Variants in ABI3BP observed in about 807,000 individuals in gnomAD.
The protein encoded by ABI3BP is ABI family member 3 binding protein, also known as target of Nesh-SH3.
In ABI3BP, 216 loss-of-function variants were observed where a neutral mutation model predicts 268.6. The observed-to-expected ratio is 0.80, with a 90% confidence interval of 0.72 to 0.90. ABI3BP has a LOEUF of 0.90. ABI3BP is among the 40% of genes least tolerant of loss of function. The pLI, the probability that ABI3BP is intolerant of heterozygous loss-of-function variation, is 0.00. For missense variants in ABI3BP, 2,090 were observed against 2,182.4 expected, an observed-to-expected ratio of 0.96 and a Z score of 0.84; for synonymous variants, 730 against 730.0, an observed-to-expected ratio of 1.00 and a Z score of 0.00.
At chr3:100,803,834 T>C (rs1204688717) in intron 51 of ABI3BP, among the ~76,000 whole-genome samples, 1 of 152,200 alleles carries the variant, frequency 6.6e-6, no homozygotes, top group Non-Finnish European at 1.5e-5. Flanking sequence ...AGATTCTCTC[T>C]AGCCTGCTAC....
Position 100,815,907 on chromosome 3 carries a change from A to G in ABI3BP, c.3289+5T>C, listed in dbSNP as rs2098025550. 2.6e-6 allele frequency: 4 copies of G among 1,520,634 alleles called. No homozygotes were observed. Among genetic ancestry groups the G allele is most frequent in the Non-Finnish European group, 3.5e-6 (4 of 1,142,364 alleles). The allele number at this position is 1,520,634 out of a possible 1,614,324, so 94.2% of individuals were successfully genotyped here. A position where few individuals can be genotyped will look rare whatever the true frequency, so the allele number is the denominator to read the frequency against. Reference sequence around the variant, plus strand: ...GCATTTAATGCAAGTCACAAAAATCATTACCAAATGTTGTTCCTGGAGCAT... The same window carrying G: ...GCATTTAATGCAAGTCACAAAAATCGTTACCAAATGTTGTTCCTGGAGCAT... On this transcript the variant is annotated splice_donor_5th_base_variant and intron_variant, in intron 44 of 67. Transcript: ENST00000471714.
At chr3:100,878,370 C>T (rs1581623261) in intron 6 of ABI3BP, among the ~76,000 whole-genome samples, 1 of 152,148 alleles carries the variant, frequency 6.6e-6, no homozygotes, top group South Asian at 2.1e-4. Context: ...TTATTTTGTG[C>T]ACCTTTCTAT....
At chr3:100,976,852 G>A (rs1211660331) in intron 1 of ABI3BP, among the ~76,000 whole-genome samples, 1 of 151,184 alleles carries the variant, frequency 6.6e-6, no homozygotes, top group Non-Finnish European at 1.5e-5. Flanking sequence ...TCTTCTAAAT[G>A]ATAGCAGGAC....
intron 63 of ABI3BP, among the ~76,000 whole-genome samples, chr3:100,759,484 T>TCAG (rs776102958): frequency 3.9e-5 from 6 of 152,112 alleles, no homozygotes; most frequent in Non-Finnish European, 8.8e-5. Flanking sequence ...AATCAGGGTA[T>TCAG]CAGTAGTCGT....
intron 6 of ABI3BP, among the ~76,000 whole-genome samples, chr3:100,879,943 T>C (rs928716431): frequency 5.3e-5 from 8 of 152,190 alleles, no homozygotes; most frequent in Middle Eastern, 3.2e-3. Context: ...TCCTCTCCTA[T>C]GTCTTATCAA....
At chr3:100,990,036 G>A (rs1469313959) in intron 1 of ABI3BP, among the ~76,000 whole-genome samples, 2 of 152,154 alleles carry the variant, frequency 1.3e-5, no homozygotes, top group Admixed American at 6.5e-5. Flanking sequence ...GGGTAATGTT[G>A]GCCATATGGG....
At position 100,774,465 on chromosome 3, in the gene ABI3BP, T is replaced by C. The variant is rs2096643971; in HGVS notation, c.4531+140A>G. 5 of 618,822 alleles carry C rather than the reference T, an allele frequency of 8.1e-6. No homozygotes were observed. In the East Asian group the frequency reaches 1.5e-4, roughly 18 times the overall value. 38.3% of individuals were successfully genotyped at this position (618,822 alleles called of 1,614,324 possible). On this transcript the variant is annotated intron_variant, in intron 61 of 67. Coordinates refer to ENST00000471714, the MANE Select transcript of ABI3BP (RefSeq NM_001375547.2). ...TAGATCAGCTGACACCCAGTTGACT[T>C]GCAGACACCCATGAAAAATAAAACC... is the stretch of plus-strand genomic sequence containing the variant.
chr3:100,825,206 G>GA (rs938909741), intron 35 of ABI3BP, among the ~76,000 whole-genome samples: 5 of 151,936 alleles, frequency 3.3e-5, no homozygotes, highest in Admixed American at 2.0e-4. Context: ...CTTGCTGGGG[G>GA]AAAAAAATGA....
rs1043068651 is a variant in ABI3BP, at chr3:100,862,204, C to T, written c.1285+107G>A. The T allele has an allele frequency of 8.6e-5, 66 of 770,062 alleles. 1 individual carries two copies. Among genetic ancestry groups the T allele is most frequent in the Non-Finnish European group, 2.4e-5 (12 of 489,996 alleles). 47.7% of individuals were successfully genotyped at this position (770,062 alleles called of 1,614,324 possible). ...ATCAACAAATGTATGATAGATTTTC[C>T]ATTTATTACAAAGCATAATGATAAT... On this transcript the variant is annotated intron_variant, in intron 14 of 67. Coordinates refer to ENST00000471714, the MANE Select transcript of ABI3BP (RefSeq NM_001375547.2).
intron 63 of ABI3BP, among the ~76,000 whole-genome samples, chr3:100,761,792 G>A (rs1337879718): frequency 1.3e-5 from 2 of 152,192 alleles, no homozygotes; most frequent in African/African-American, 4.8e-5. Context: ...CTCCACCCAT[G>A]TCTGTGGGTA....
chr3:100,936,264 T>C (rs769641058), intron 1 of ABI3BP, among the ~76,000 whole-genome samples: 5 of 152,070 alleles, frequency 3.3e-5, no homozygotes, highest in South Asian at 2.1e-4. Context: ...TTCTGTTTAT[T>C]TGATGGATTA....
chr3:100,779,218 G>A (rs2096796620), intron 58 of ABI3BP, among the ~76,000 whole-genome samples: 1 of 152,200 alleles, frequency 6.6e-6, no homozygotes, highest in Non-Finnish European at 1.5e-5. Context: ...GTCTGTATCT[G>A]TAGGGAGCAG....
chr3:100,916,531 C>A (rs900843881), intron 2 of ABI3BP, among the ~76,000 whole-genome samples: 1 of 152,194 alleles, frequency 6.6e-6, no homozygotes, highest in African/African-American at 2.4e-5. Flanking sequence ...CTTGGGGACT[C>A]ACTGTCTTCA....
At chr3:100,949,528 G>A (rs1264244106) in intron 1 of ABI3BP, among the ~76,000 whole-genome samples, 3 of 152,134 alleles carry the variant, frequency 2.0e-5, no homozygotes, top group Admixed American at 2.0e-4. Context: ...GGCCTCAAAA[G>A]TTGCTGGGAT....
At chr3:100,775,569 C>T (rs527319975) in intron 59 of ABI3BP, among the ~76,000 whole-genome samples, 2 of 151,584 alleles carry the variant, frequency 1.3e-5, no homozygotes, top group South Asian at 2.1e-4. Context: ...ACAGAGGGGG[C>T]GCGTAAGAAG....
At position 100,778,434 on chromosome 3, in the gene ABI3BP, C is replaced by T. The variant is rs1027408231; in HGVS notation, c.4241-58G>A. The T allele has an allele frequency of 5.5e-5, 79 of 1,447,366 alleles. No homozygotes were observed. In the Middle Eastern group the frequency reaches 9.0e-4, roughly 17 times the overall value. The allele number at this position is 1,447,366 out of a possible 1,614,324, so 89.7% of individuals were successfully genotyped here. ...TAAAGCCATCATAAAGATTCATTAT[C>T]GAAAAAAACAGGGTTTTTAAAAATA... is the stretch of plus-strand genomic sequence containing the variant. On this transcript the variant is annotated intron_variant, in intron 58 of 67. Coordinates refer to ENST00000471714, the MANE Select transcript of ABI3BP (RefSeq NM_001375547.2).
chr3:100,807,883 C>T (rs918567292), intron 50 of ABI3BP, among the ~76,000 whole-genome samples: 4 of 151,272 alleles, frequency 2.6e-5, no homozygotes, highest in South Asian at 2.1e-4. Flanking sequence ...GGAAGGAAAA[C>T]GAAGTAGGCA....
intron 62 of ABI3BP, among the ~76,000 whole-genome samples, chr3:100,770,240 A>C (rs908575790): frequency 1.3e-5 from 2 of 152,178 alleles, no homozygotes; most frequent in Non-Finnish European, 2.9e-5. Context: ...AGTTTTTACA[A>C]TCATTTTTAG....
In ABI3BP at chr3:100,886,447, C is replaced by T. The variant is rs73864022; in HGVS notation, c.462-124G>A. 0.014 allele frequency: 8,802 copies of T among 641,290 alleles called. 646 individuals are homozygous for T. In the African/African-American group the frequency reaches 0.15, roughly 11 times the overall value. 39.7% of individuals were successfully genotyped at this position (641,290 alleles called of 1,614,324 possible). On this transcript the variant is annotated intron_variant, in intron 4 of 67. Transcript: ENST00000471714. ...TACTATTTAATATTGGCTTCTCTTCCGATTTTTAAAAAATTTGCAGAGAAC... is the reference window on the plus strand; with the variant it reads ...TACTATTTAATATTGGCTTCTCTTCTGATTTTTAAAAAATTTGCAGAGAAC...
Sources: allele counts gnomAD v4.1 joint callset (sites outside exome capture counted in the v4.1 genomes callset), GRCh38; gene constraint gnomAD v4.1.1; transcripts MANE v1.5; gene names NCBI Gene and HGNC (gene_info 2026-07-23, HGNC 2026-07-21).